The following ULK4 variants were observed in gnomAD, a reference collection of about 807,000 sequenced individuals.
The protein encoded by ULK4 is unc-51 like kinase 4, also known as inactive serine/threonine-protein kinase ULK4.
In ULK4, 133 loss-of-function variants were observed where a neutral mutation model predicts 160.6. That is an observed-to-expected ratio of 0.83 (90% CI 0.72 to 0.96). The LOEUF is 0.96. Ranked by LOEUF, ULK4 falls within the 40% of genes least tolerant of loss-of-function variation. The probability of loss-of-function intolerance (pLI) is 0.00; values close to 1 mark genes in which losing one functional copy is unlikely to be tolerated. For synonymous variants in ULK4, 534 were observed against 539.8 expected (o/e 0.99, Z 0.15); for missense variants, 1,580 against 1,499.5 (o/e 1.05, Z -0.89).
In ULK4 at chr3:41,305,954, G is replaced by A. The variant is rs1276509124; in HGVS notation, c.3679-56380C>T. Among the ~76,000 whole-genome samples the A allele has an allele frequency of 3.5e-5, 5 of 142,992 alleles. 1 individual carries two copies. The highest frequency in any genetic ancestry group is 4.7e-4 in the South Asian group (2 of 4,282). The allele number at this position is 142,992 out of a possible 152,430, so 93.8% of individuals were successfully genotyped here. On this transcript the variant is annotated intron_variant, in intron 35 of 36. Coordinates refer to ENST00000301831, the MANE Select transcript of ULK4 (RefSeq NM_017886.4). ...AGGAGCATCTCTGCCCGGCCGCCCC[G>A]TCTGAGAAGTGAGGAGACCCTCTGC... is the stretch of plus-strand genomic sequence containing the variant.
intron 18 of ULK4, among the ~76,000 whole-genome samples, chr3:41,831,531 A>ATATATATATATATATTTTTTTTTTTT: frequency 3.6e-5 from 5 of 138,058 alleles, no homozygotes; most frequent in African/African-American, 1.4e-4. Flanking sequence ...ATATATATAT[A>ATATATATATATATATTTTTTTTTTTT]TTTTTTTTTC....
chr3:41,663,940 T>TAAAAAA (rs2035270061), intron 29 of ULK4, among the ~76,000 whole-genome samples: 2 of 152,326 alleles, frequency 1.3e-5, no homozygotes, highest in South Asian at 4.1e-4. Flanking sequence ...ACTCAGTAGT[T>TAAAAAA]GTCCTCACTT....
chr3:41,924,302 G>C (rs948186971), intron 5 of ULK4, among the ~76,000 whole-genome samples: 3 of 152,072 alleles, frequency 2.0e-5, no homozygotes, highest in Admixed American at 6.5e-5. Context: ...AACAGAAGTG[G>C]TTTTACACTC....
chr3:41,265,847 T>G (rs3856749), intron 35 of ULK4, among the ~76,000 whole-genome samples: 1 of 151,874 alleles, frequency 6.6e-6, no homozygotes, highest in Non-Finnish European at 1.5e-5. Flanking sequence ...AAGAGACAGG[T>G]CCACTGTCAG....
chr3:41,470,620 T>C (rs2083966477), intron 32 of ULK4, among the ~76,000 whole-genome samples: 1 of 151,962 alleles, frequency 6.6e-6, no homozygotes, highest in Non-Finnish European at 1.5e-5. Flanking sequence ...AGTGTGAGGG[T>C]TCCAAGGAAA....
chr3:41,362,764 A>G (rs532249783), intron 35 of ULK4, among the ~76,000 whole-genome samples: 34 of 152,378 alleles, frequency 2.2e-4, no homozygotes, highest in Non-Finnish European at 3.2e-4. Context: ...AACTTTGAAG[A>G]AAACTGTTTC....
intron 18 of ULK4, among the ~76,000 whole-genome samples, chr3:41,828,149 C>G (rs1441668487): frequency 1.4e-5 from 2 of 146,230 alleles, no homozygotes. Context: ...AGACCTATCT[C>G]AAAATAATAA....
chr3:41,444,031 G>C (rs2083234415), intron 34 of ULK4, among the ~76,000 whole-genome samples: 1 of 151,956 alleles, frequency 6.6e-6, no homozygotes, highest in Non-Finnish European at 1.5e-5. Context: ...AAATAATTCT[G>C]TACTTCTGAT....
intron 22 of ULK4, among the ~76,000 whole-genome samples, chr3:41,749,166 G>A (rs2038527131): frequency 6.6e-6 from 1 of 152,220 alleles, no homozygotes; most frequent in Non-Finnish European, 1.5e-5. Flanking sequence ...AATTACATGA[G>A]ATATTCCACA....
chr3:41,929,711 C>T lies in ULK4; in HGVS notation c.541+2133G>A, dbSNP rs146720237. On this transcript the variant is annotated intron_variant, in intron 5 of 36. Transcript: ENST00000301831. ...CACCAATAACAAACAAACAGAGAGC[C>T]AAATTATGAGTGAACTCCCATTCAC... 1.8e-4 allele frequency among the ~76,000 whole-genome samples: 28 copies of T among 152,186 alleles called. No homozygotes were observed. The East Asian group carries it at 4.4e-3, about 24-fold the overall frequency.
At chr3:41,345,307 A>G (rs374876628) in intron 35 of ULK4, among the ~76,000 whole-genome samples, 1 of 152,238 alleles carries the variant, frequency 6.6e-6, no homozygotes, top group Non-Finnish European at 1.5e-5. Context: ...TCATTTTGTT[A>G]TAAAGATACA....
chr3:41,377,082 C>G (rs1032515956), intron 35 of ULK4, among the ~76,000 whole-genome samples: 1 of 152,032 alleles, frequency 6.6e-6, no homozygotes, highest in Admixed American at 6.5e-5. Context: ...ATATCTACAA[C>G]TATCTGATCT....
intron 4 of ULK4, among the ~76,000 whole-genome samples, chr3:41,933,714 A>ATC (rs1322332637): frequency 6.6e-6 from 1 of 151,862 alleles, no homozygotes; most frequent in African/African-American, 2.4e-5. Context: ...TTTAAGCCGT[A>ATC]TCTGAAAACT....
At chr3:41,442,925 C>G (rs2083206751) in intron 34 of ULK4, among the ~76,000 whole-genome samples, 1 of 152,198 alleles carries the variant, frequency 6.6e-6, no homozygotes, top group Admixed American at 6.5e-5. Flanking sequence ...TGCTTCTCTT[C>G]TTCTCATCAT....
At chr3:41,423,205 T>C (rs903843258) in intron 34 of ULK4, among the ~76,000 whole-genome samples, 4 of 152,160 alleles carry the variant, frequency 2.6e-5, no homozygotes, top group African/African-American at 9.7e-5. Context: ...ACATGCCAAA[T>C]GTAAACAGGG....
chr3:41,295,948 C>T (rs1459509975), intron 35 of ULK4, among the ~76,000 whole-genome samples: 1 of 152,186 alleles, frequency 6.6e-6, no homozygotes, highest in African/African-American at 2.4e-5. Context: ...AAGCTTACCC[C>T]ACAGAGGTTT....
At chr3:41,747,710 C>A (rs930153629) in intron 22 of ULK4, among the ~76,000 whole-genome samples, 6 of 151,964 alleles carry the variant, frequency 3.9e-5, no homozygotes, top group Admixed American at 6.6e-5. Flanking sequence ...GCAATGGTGT[C>A]CTTAAAGAGG....
intron 21 of ULK4, among the ~76,000 whole-genome samples, chr3:41,781,443 T>C (rs2039838689): frequency 6.6e-6 from 1 of 151,438 alleles, no homozygotes; most frequent in Non-Finnish European, 1.5e-5. Context: ...AAGTGAACTC[T>C]GACTGGATTT....
At chr3:41,421,106 GA>G (rs2082655430) in intron 34 of ULK4, among the ~76,000 whole-genome samples, 1 of 138,514 alleles carries the variant, frequency 7.2e-6, no homozygotes, top group African/African-American at 2.9e-5. Context: ...AAATAAGTGA[GA>G]CCCCATCTCA....
Sources: allele counts gnomAD v4.1 joint callset (sites outside exome capture counted in the v4.1 genomes callset), GRCh38; gene constraint gnomAD v4.1.1; transcripts MANE v1.5; gene names NCBI Gene and HGNC (gene_info 2026-07-23, HGNC 2026-07-21).